The following PCDHGB6 variants were observed in gnomAD, a reference collection of about 807,000 sequenced individuals.
PCDHGB6 encodes protocadherin gamma subfamily B, 6.
Under a neutral mutation model 59.1 loss-of-function variants are expected in PCDHGB6, and 51 were observed. The observed-to-expected ratio is 0.86, with a 90% CI of 0.69 to 1.09. The LOEUF (loss-of-function observed/expected upper bound fraction) is 1.09. Among genes scored for constraint, PCDHGB6 ranks in the 50% least tolerant of loss-of-function variants. PCDHGB6 has a pLI of 0.00. For synonymous variants in PCDHGB6, 466 were observed against 495.1 expected (o/e 0.94, Z 0.78); for missense variants, 1,148 against 1,205.1 (o/e 0.95, Z 0.70).
Position 141,432,394 on chromosome 5 carries a change from C to T in PCDHGB6, c.2418+21774C>T, listed in dbSNP as rs149830124. The T allele has an allele frequency of 1.7e-5, 27 of 1,614,260 alleles. No individual in the cohort carries two copies. The African/African-American group carries it at 2.7e-4, about 16-fold the overall frequency. On this transcript the variant is annotated intron_variant, in intron 1 of 3. Transcript: ENST00000520790. The surrounding 1 kb of genome is among the most constrained non-coding windows in gnomAD (Gnocchi z 6.0). ...ACGGGCACCCGCCCCTCAGCAGCAA[C>T]GTGTCGTTGAGCCTGTTCGTGCTGG...
Position 141,476,790 on chromosome 5 carries a change from C to T in PCDHGB6, c.2419-18017C>T. ...TTGGACGGAGGGACCCCAGCTCTCT[C>T]CGCCAGCCTGCCTATTCACATCAAG... On this transcript the variant is annotated intron_variant, in intron 1 of 3. Coordinates refer to ENST00000520790, the MANE Select transcript of PCDHGB6 (RefSeq NM_018926.3). This position sits in a 1 kb window ranked among gnomAD's most constrained non-coding sequence, Gnocchi z 7.6. 1 of 1,613,606 alleles carries T rather than the reference C, an allele frequency of 6.2e-7. No homozygotes were observed. Among genetic ancestry groups the T allele is most frequent in the South Asian group, 1.1e-5 (1 of 91,084 alleles).
chr5:141,475,653 G>T (rs982063429), intron 1 of PCDHGB6, among the ~76,000 whole-genome samples: 2 of 152,238 alleles, frequency 1.3e-5, no homozygotes, highest in African/African-American at 2.4e-5. Context: ...CAAAGAAAGT[G>T]ATTCAAATGT....
In PCDHGB6 at chr5:141,491,921, A is replaced by T; in HGVS notation, c.2419-2886A>T. ...CCGGGGGTGGTGGCGACTGTGGGCG[A>T]GGGGAGGTGGGACCGACCCCCACCC... On this transcript the variant is annotated intron_variant, in intron 1 of 3. Coordinates refer to ENST00000520790, the MANE Select transcript of PCDHGB6 (RefSeq NM_018926.3). The surrounding 1 kb of genome is among the most constrained non-coding windows in gnomAD (Gnocchi z 6.9). The T allele has an allele frequency of 1.5e-6, 2 of 1,353,738 alleles. No homozygotes were observed. Among genetic ancestry groups the T allele is most frequent in the Non-Finnish European group, 2.0e-6 (2 of 1,013,388 alleles). 83.9% of individuals were successfully genotyped at this position (1,353,738 alleles called of 1,614,324 possible). A position where few individuals can be genotyped will look rare whatever the true frequency, so the allele number is the denominator to read the frequency against.
chr5:141,507,901 G>T (rs1332204823), intron 3 of PCDHGB6, among the ~76,000 whole-genome samples: 1 of 152,216 alleles, frequency 6.6e-6, no homozygotes, highest in Non-Finnish European at 1.5e-5. Flanking sequence ...CTGAAGTCCA[G>T]CCCAGCCAGG....
At chr5:141,413,352 G>T in intron 1 of PCDHGB6, 11 of 1,613,976 alleles carry the variant, frequency 6.8e-6, no homozygotes, top group Non-Finnish European at 9.3e-6. Flanking sequence ...TGGGTCTGGC[G>T]CCCCGGGAGC....
rs2097401329 is a variant in PCDHGB6 at position 141,431,623 on chromosome 5, G to A, written c.2418+21003G>A. 1 of 1,614,192 alleles carries A rather than the reference G, an allele frequency of 6.2e-7. No homozygotes were observed. The highest frequency in any genetic ancestry group is 1.7e-5 in the Admixed American group (1 of 60,028). On this transcript the variant is annotated intron_variant, in intron 1 of 3. Coordinates refer to ENST00000520790, the MANE Select transcript of PCDHGB6 (RefSeq NM_018926.3). This position sits in a 1 kb window ranked among gnomAD's most constrained non-coding sequence, Gnocchi z 4.8. ...CCTTCCGGTATGTGGACGACAAGGC[G>A]GCCCAAGTTTTCAAACTAGATTGTA...
intron 1 of PCDHGB6, among the ~76,000 whole-genome samples, chr5:141,458,829 C>T (rs2098954599): frequency 6.6e-6 from 1 of 152,108 alleles, no homozygotes; most frequent in Non-Finnish European, 1.5e-5. Context: ...GCCTCCCAGG[C>T]TCAAGTGATC....
intron 1 of PCDHGB6, among the ~76,000 whole-genome samples, chr5:141,455,253 C>T (rs187877877): frequency 6.6e-6 from 1 of 151,986 alleles, no homozygotes; most frequent in East Asian, 1.9e-4. Flanking sequence ...ATAGTACAAT[C>T]GCATTTCTTC....
intron 1 of PCDHGB6, chr5:141,421,424 G>A: frequency 6.2e-7 from 1 of 1,614,092 alleles, no homozygotes. Context: ...CGCGGAGTCC[G>A]CATCGTCTCC....
chr5:141,485,539 G>C lies in PCDHGB6; in HGVS notation c.2419-9268G>C, dbSNP rs370323886. The C allele has an allele frequency of 9.9e-6, 16 of 1,613,986 alleles. No homozygotes were observed. In the African/African-American group the frequency reaches 2.0e-4, roughly 20 times the overall value. On this transcript the variant is annotated intron_variant, in intron 1 of 3. Transcript: ENST00000520790. This position sits in a 1 kb window ranked among gnomAD's most constrained non-coding sequence, Gnocchi z 5.7. ...TGGAAATGTACCGAGCAGAGGTAGA[G>C]ATCGTAGATGTGAATGATCACGCCC... is the stretch of plus-strand genomic sequence containing the variant.
chr5:141,476,036 A>G lies in PCDHGB6; in HGVS notation c.2419-18771A>G. The G allele has an allele frequency of 1.4e-6, 2 of 1,471,164 alleles. No individual in the cohort carries two copies. Among genetic ancestry groups the G allele is most frequent in the Non-Finnish European group, 1.8e-6 (2 of 1,106,602 alleles). 91.1% of individuals were successfully genotyped at this position (1,471,164 alleles called of 1,614,324 possible). ...ATGTCGGACTCGGCGCCCAGCGCCCAAGCGCTAACCCGCTGAAAGTTTCTC... is the reference window on the plus strand; with the variant it reads ...ATGTCGGACTCGGCGCCCAGCGCCCGAGCGCTAACCCGCTGAAAGTTTCTC... On this transcript the variant is annotated intron_variant, in intron 1 of 3. Transcript: ENST00000520790. The surrounding 1 kb of genome is among the most constrained non-coding windows in gnomAD (Gnocchi z 7.6).
chr5:141,450,615 T>C (rs2098687601), intron 1 of PCDHGB6, among the ~76,000 whole-genome samples: 1 of 151,340 alleles, frequency 6.6e-6, no homozygotes, highest in African/African-American at 2.4e-5. Flanking sequence ...GCCTCCTGAG[T>C]AGCTGGGATT....
chr5:141,472,281 C>A (rs944776124), intron 1 of PCDHGB6, among the ~76,000 whole-genome samples: 2 of 152,202 alleles, frequency 1.3e-5, no homozygotes, highest in Non-Finnish European at 2.9e-5. Context: ...GTGGCTCACA[C>A]CTGTAATCCC....
chr5:141,492,619 G>A lies in PCDHGB6; in HGVS notation c.2419-2188G>A, dbSNP rs778698501. ...GCGACTGCCGCTCTAAGTGCCGGGC[G>A]GGCAGGACTCTACGATCCTTGGGCC... On this transcript the variant is annotated intron_variant, in intron 1 of 3. Coordinates refer to ENST00000520790, the MANE Select transcript of PCDHGB6 (RefSeq NM_018926.3). 7.8e-4 allele frequency among the ~76,000 whole-genome samples: 118 copies of A among 152,234 alleles called. 1 individual carries two copies. The highest frequency in any genetic ancestry group is 3.3e-3 in the Admixed American group (51 of 15,282).
chr5:141,500,114 G>A (rs72790070), intron 2 of PCDHGB6, among the ~76,000 whole-genome samples: 10,550 of 151,670 alleles, frequency 0.07, 640 homozygotes, highest in African/African-American at 0.16. Flanking sequence ...TTGAATCCCT[G>A]CCTTTTCATA....
Position 141,431,698 on chromosome 5 carries a change from A to ATTC in PCDHGB6, c.2418+21080_2418+21082dup. 6.2e-7 allele frequency: 1 copy of ATTC among 1,614,222 alleles called. No homozygotes were observed. Among genetic ancestry groups the ATTC allele is most frequent in the Non-Finnish European group, 8.5e-7 (1 of 1,180,036 alleles). The stretch of plus-strand genomic sequence containing the variant: ...GGGAGTTGGACCACGAGGAGTCAGG[A>ATTC]TTCTACCAGATGGAAGTGCAAGCAA... On this transcript the variant is annotated intron_variant, in intron 1 of 3. Coordinates refer to ENST00000520790, the MANE Select transcript of PCDHGB6 (RefSeq NM_018926.3). This position sits in a 1 kb window ranked among gnomAD's most constrained non-coding sequence, Gnocchi z 4.8.
At chr5:141,473,988 G>C (rs1006988447) in intron 1 of PCDHGB6, among the ~76,000 whole-genome samples, 8 of 152,118 alleles carry the variant, frequency 5.3e-5, no homozygotes, top group Non-Finnish European at 4.4e-5. Context: ...AGGATCCCTT[G>C]AGCCCAAGGA....
chr5:141,455,660 G>A (rs1485792613), intron 1 of PCDHGB6, among the ~76,000 whole-genome samples: 1 of 152,134 alleles, frequency 6.6e-6, no homozygotes, highest in Non-Finnish European at 1.5e-5. Flanking sequence ...CCAGGAACTT[G>A]TGGGGCAAGG....
At position 141,487,886 on chromosome 5, in the gene PCDHGB6, G is replaced by A. The variant is rs1208779156; in HGVS notation, c.2419-6921G>A. On this transcript the variant is annotated intron_variant, in intron 1 of 3. Transcript: ENST00000520790. This position sits in a 1 kb window ranked among gnomAD's most constrained non-coding sequence, Gnocchi z 5.0. ...GATCAAGAGCCAGGCTGTTGTGGAA[G>A]CATGATGATGGAATGTGGGAGCACA... is the stretch of plus-strand genomic sequence containing the variant. 1.3e-6 allele frequency: 1 copy of A among 751,316 alleles called. No individual in the cohort carries two copies. The highest frequency in any genetic ancestry group is 2.1e-6 in the Non-Finnish European group (1 of 467,526). The allele number at this position is 751,316 out of a possible 1,614,324, so 46.5% of individuals were successfully genotyped here.
Sources: allele counts gnomAD v4.1 joint callset (sites outside exome capture counted in the v4.1 genomes callset), GRCh38; gene constraint gnomAD v4.1.1; non-coding constraint Gnocchi (gnomAD v3.1); transcripts MANE v1.5; gene names NCBI Gene and HGNC (gene_info 2026-07-23, HGNC 2026-07-21).